The following HERC6 variants were observed in gnomAD, a reference collection of about 807,000 sequenced individuals.
The protein encoded by HERC6 is probable E3 ubiquitin-protein ligase HERC6.
Under a neutral mutation model 114.5 loss-of-function variants are expected in HERC6, and 101 were observed. The observed-to-expected ratio is 0.88, with a 90% CI of 0.75 to 1.04. The LOEUF (loss-of-function observed/expected upper bound fraction) is 1.04, where lower values mean the gene tolerates loss of function less well. Among genes scored for constraint, HERC6 ranks in the 50% least tolerant of loss-of-function variants. HERC6 has a pLI of 0.00. For missense variants in HERC6, 1,133 were observed against 1,230.9 expected (o/e 0.92, Z 1.19); for synonymous variants, 408 against 436.2 (o/e 0.94, Z 0.81).
At chr4:88,418,186 G>A (rs1267791769) in intron 13 of HERC6, among the ~76,000 whole-genome samples, 1 of 152,020 alleles carries the variant, frequency 6.6e-6, no homozygotes, top group Non-Finnish European at 1.5e-5. Flanking sequence ...AACATCCTGG[G>A]GCCTGCTAGA....
chr4:88,384,892 G>A, intron 2 of HERC6, among the ~76,000 whole-genome samples: 1 of 152,090 alleles, frequency 6.6e-6, no homozygotes, highest in East Asian at 1.9e-4. Context: ...ACGTTGTGGT[G>A]CATGCCTGTA....
chr4:88,406,414 C>T (rs886262358), intron 10 of HERC6, among the ~76,000 whole-genome samples: 1 of 152,232 alleles, frequency 6.6e-6, no homozygotes, highest in Non-Finnish European at 1.5e-5. Context: ...TTGTACAACC[C>T]TCTTGGCAGT....
chr4:88,418,366 C>CA (rs1736703831), intron 13 of HERC6, among the ~76,000 whole-genome samples: 1 of 152,002 alleles, frequency 6.6e-6, no homozygotes. Flanking sequence ...GCCAAAAGAC[C>CA]AAAAAATGAC....
intron 11 of HERC6, among the ~76,000 whole-genome samples, chr4:88,412,092 G>T (rs528813192): frequency 2.6e-5 from 4 of 152,058 alleles, no homozygotes; most frequent in African/African-American, 9.7e-5. Context: ...ATCGAGTAAC[G>T]CTGACTTCCT....
intron 20 of HERC6, among the ~76,000 whole-genome samples, chr4:88,438,125 C>CAAAA (rs746047106): frequency 1.8e-4 from 8 of 43,892 alleles, no homozygotes; most frequent in African/African-American, 3.3e-4. Context: ...GACTGTGTCT[C>CAAAA]AAAAAAAAAA....
intron 13 of HERC6, among the ~76,000 whole-genome samples, chr4:88,420,082 G>A (rs1164276417): frequency 6.6e-6 from 1 of 151,730 alleles, no homozygotes; most frequent in Non-Finnish European, 1.5e-5. Flanking sequence ...TATATATAGG[G>A]TGTCAGAGCA....
rs1320515267 is a variant in HERC6, at chr4:88,378,983, C to G, written c.62C>G (p.Pro21Arg). 6.3e-7 allele frequency: 1 copy of G among 1,582,728 alleles called. No homozygotes were observed. Among genetic ancestry groups the G allele is most frequent in the Non-Finnish European group, 8.6e-7 (1 of 1,165,944 alleles). The change falls in exon 1 of 23, where the codon CCC (proline) becomes CGC (arginine). Residue 21 changes from proline to arginine, a missense_variant. Physicochemically the swap from Pro to Arg is moderately radical, Grantham distance 103. This residue lies in a region of HERC6 where 735 missense variants were observed against 754.0 expected (regional missense o/e 0.97). Coordinates refer to ENST00000264346, the MANE Select transcript of HERC6 (RefSeq NM_017912.4). Reference sequence around the variant, plus strand: ...CAGCGCCGGAGGACGGCGGGCAGCCCCGGGGCTGAGCTACTGCAGGCGGCC... The same window carrying G: ...CAGCGCCGGAGGACGGCGGGCAGCCGCGGGGCTGAGCTACTGCAGGCGGCC... ...ELQRRRTAGS[P>R]GAELLQAASG...
chr4:88,379,757 AAT>A (rs1344570550), intron 1 of HERC6, among the ~76,000 whole-genome samples: 1 of 99,452 alleles, frequency 1.0e-5, no homozygotes, highest in Non-Finnish European at 1.8e-5. Context: ...ATAACATATA[AAT>A]ATATATAATA....
rs545082772 is a variant in HERC6 at position 88,383,312 on chromosome 4, C to T, written c.291C>T (p.Phe97=). 3.6e-5 allele frequency: 57 copies of T among 1,577,412 alleles called. No individual in the cohort carries two copies. Among genetic ancestry groups the T allele is most frequent in the Admixed American group, 2.5e-4 (13 of 52,770 alleles). ...CTGTGTGCCACAAAGGAAGGGTCTTCGCATGGGGAGCTGGTTCTGAAGGGC... is the reference window on the plus strand; with the variant it reads ...CTGTGTGCCACAAAGGAAGGGTCTTTGCATGGGGAGCTGGTTCTGAAGGGC... ...SLAVCHKGRV[F]AWGAGSEGQL... The change falls in exon 2 of 23, where the codon TTC becomes TTT. Residue 97 remains phenylalanine, a synonymous_variant. Transcript: ENST00000264346.
chr4:88,395,507 TACC>T (rs1735181151), intron 5 of HERC6, among the ~76,000 whole-genome samples: 1 of 152,204 alleles, frequency 6.6e-6, no homozygotes, highest in Non-Finnish European at 1.5e-5. Flanking sequence ...GTGAAATGAT[TACC>T]ACAATCAAGC....
intron 2 of HERC6, among the ~76,000 whole-genome samples, chr4:88,383,937 G>A (rs547055056): frequency 6.6e-6 from 1 of 152,098 alleles, no homozygotes; most frequent in East Asian, 1.9e-4. Flanking sequence ...TTATCTCTTG[G>A]AATATAACTG....
intron 1 of HERC6, among the ~76,000 whole-genome samples, chr4:88,379,848 TATATATATAGCATATAAATATATATA>T (rs1734099894): frequency 1.5e-5 from 1 of 68,560 alleles, no homozygotes; most frequent in African/African-American, 6.0e-5. Flanking sequence ...AATATATAAA[TATATATATAGCATATAAATATATATA>T]ATATATAAAT....
Position 88,385,531 on chromosome 4 carries a change from T to C in HERC6, c.392T>C (p.Ile131Thr), listed in dbSNP as rs1260834576. The change falls in exon 3 of 23, where the codon ATA becomes ACA. Residue 131 changes from isoleucine (I) to threonine (T), a missense_variant. Ile to Thr is a moderately conservative substitution (Grantham distance 89). Transcript: ENST00000264346. ...KIMTLNDIKI[I>T]QVSCGHYHSL... ...ATGACTCTGAATGATATAAAAATAA[T>C]ACAAGTTTCCTGTGGACACTACCAC... 2 of 1,500,032 alleles carry C rather than the reference T, an allele frequency of 1.3e-6. No homozygotes were observed. The highest frequency in any genetic ancestry group is 2.8e-5 in the African/African-American group (2 of 70,758). The allele number at this position is 1,500,032 out of a possible 1,614,324, so 92.9% of individuals were successfully genotyped here.
chr4:88,398,478 T>C (rs746135979), intron 8 of HERC6: 6 of 282,346 alleles, frequency 2.1e-5, no homozygotes, highest in Non-Finnish European at 3.9e-5. Context: ...ATCATGTAAA[T>C]GCACATACAC....
Position 88,424,596 on chromosome 4 carries a change from T to C in HERC6, c.1829T>C (p.Ile610Thr). ...GRQLFRDNHLIPAETPSPVIF... is the reference protein window; with the variant it reads ...GRQLFRDNHLTPAETPSPVIF... Reference sequence around the variant, plus strand: ...CTATTATCTCTGTTTATTTTTTAGATACCTGCAGAAACCCCCAGTCCTGTT... The same window carrying C: ...CTATTATCTCTGTTTATTTTTTAGACACCTGCAGAAACCCCCAGTCCTGTT... The change falls in exon 15 of 23, where the codon ATA becomes ACA. Residue 610 changes from isoleucine (I) to threonine (T), a missense_variant and splice_region_variant. Ile to Thr is a moderately conservative substitution (Grantham distance 89). Transcript: ENST00000264346. 6.3e-7 allele frequency: 1 copy of C among 1,590,638 alleles called. No homozygotes were observed. The highest frequency in any genetic ancestry group is 8.6e-7 in the Non-Finnish European group (1 of 1,163,174).
At chr4:88,399,907 G>A (rs552902734) in intron 8 of HERC6, 5 of 152,338 alleles carry the variant, frequency 3.3e-5, no homozygotes, top group Admixed American at 2.0e-4. Flanking sequence ...CAGTTGAGCA[G>A]AGATTTTAGC....
intron 5 of HERC6, among the ~76,000 whole-genome samples, chr4:88,395,492 A>G (rs1255814485): frequency 6.6e-6 from 1 of 152,214 alleles, no homozygotes; most frequent in Non-Finnish European, 1.5e-5. Flanking sequence ...ATACCTGTGT[A>G]CATTGTGAAA....
intron 9 of HERC6, among the ~76,000 whole-genome samples, chr4:88,405,342 C>T (rs1001775660): frequency 2.0e-5 from 3 of 152,088 alleles, no homozygotes; most frequent in Non-Finnish European, 2.9e-5. Flanking sequence ...TTTAAACCTA[C>T]GTGACTTGAA....
intron 2 of HERC6, 99 bp downstream of exon 2, chr4:88,383,479 C>A: frequency 1.1e-6 from 1 of 930,982 alleles, no homozygotes; most frequent in Non-Finnish European, 1.5e-6. Flanking sequence ...CTATGACAGG[C>A]CAGCTGCAGT....
Sources: gnomAD v4.1 joint callset for allele counts (sites outside exome capture counted in the v4.1 genomes callset) on GRCh38, gnomAD v4.1.1 for gene constraint, gnomAD v4.1.1 regional missense constraint, MANE v1.5 for transcripts, NCBI Gene and HGNC (gene_info 2026-07-23, HGNC 2026-07-21) for gene names.